CACNG2: variants seen among roughly 807,000 people sequenced by gnomAD.
CACNG2 encodes the protein voltage-dependent calcium channel gamma-2 subunit.
CACNG2 carries 3 observed loss-of-function variants against 25.9 expected under a neutral mutation model. The observed-to-expected ratio is 0.12, with a 90% CI of 0.05 to 0.30. The LOEUF is 0.30. Among genes scored for constraint, CACNG2 ranks in the 10% least tolerant of loss-of-function variants. The pLI, the probability that CACNG2 is intolerant of heterozygous loss-of-function variation, is 1.00. For missense variants in CACNG2, 341 were observed against 432.5 expected, an observed-to-expected ratio of 0.79 and a Z score of 1.88; for synonymous variants, 167 against 173.3, an observed-to-expected ratio of 0.96 and a Z score of 0.29.
At chr22:36,665,264 G>A (rs1004749427) in intron 1 of CACNG2, among the ~76,000 whole-genome samples, 5 of 152,162 alleles carry the variant, frequency 3.3e-5, no homozygotes, top group Non-Finnish European at 7.4e-5. Context: ...GCCTGGGTTC[G>A]AAGCCTGCTC....
intron 2 of CACNG2, chr22:36,584,831 C>G (rs1433825100): frequency 1.3e-5 from 2 of 152,292 alleles, no homozygotes; most frequent in Non-Finnish European, 2.9e-5. Context: ...CTTCTGCCCC[C>G]TCACAGCCTC....
chr22:36,664,155 A>G (rs1025076543), intron 1 of CACNG2, among the ~76,000 whole-genome samples: 18 of 84,942 alleles, frequency 2.1e-4, no homozygotes, highest in Admixed American at 2.9e-4. Flanking sequence ...CAGGAATTGC[A>G]AGGTACATAT....
At chr22:36,657,523 C>T (rs1175570343) in intron 1 of CACNG2, among the ~76,000 whole-genome samples, 2 of 151,986 alleles carry the variant, frequency 1.3e-5, no homozygotes, top group Non-Finnish European at 2.9e-5. Context: ...CTGGAGGACA[C>T]GGGGGCCGGA....
chr22:36,589,223 C>T (rs1434041871), intron 1 of CACNG2, among the ~76,000 whole-genome samples: 1 of 152,156 alleles, frequency 6.6e-6, no homozygotes, highest in East Asian at 1.9e-4. Flanking sequence ...CTCCTGACTT[C>T]AAGTGATCTG....
intron 1 of CACNG2, among the ~76,000 whole-genome samples, chr22:36,680,511 C>G (rs2146002131): frequency 6.7e-6 from 1 of 149,876 alleles, no homozygotes; most frequent in South Asian, 2.1e-4. Context: ...TCAATCATCA[C>G]CACCTTCATG....
intron 1 of CACNG2, among the ~76,000 whole-genome samples, chr22:36,643,236 TTG>T (rs1328468285): frequency 6.6e-6 from 1 of 150,510 alleles, no homozygotes; most frequent in African/African-American, 2.4e-5. Context: ...CCTTCCCTTT[TTG>T]TCTTTCTCTT....
chr22:36,699,466 T>A (rs1937384030), intron 1 of CACNG2, among the ~76,000 whole-genome samples: 1 of 151,066 alleles, frequency 6.6e-6, no homozygotes, highest in Non-Finnish European at 1.5e-5. Context: ...CATCAAGAGG[T>A]GAATGAAAAT....
chr22:36,605,757 A>T (rs1188322868), intron 1 of CACNG2, among the ~76,000 whole-genome samples: 1 of 152,188 alleles, frequency 6.6e-6, no homozygotes, highest in Non-Finnish European at 1.5e-5. Context: ...GCACAGATAG[A>T]TCACACAGTC....
intron 1 of CACNG2, among the ~76,000 whole-genome samples, chr22:36,700,638 G>C (rs1601463520): frequency 6.6e-6 from 1 of 152,300 alleles, no homozygotes; most frequent in East Asian, 1.9e-4. Context: ...TTAAATGGAA[G>C]TCTTTCCACT....
intron 1 of CACNG2, among the ~76,000 whole-genome samples, chr22:36,671,716 T>G (rs1936953242): frequency 6.6e-6 from 1 of 152,180 alleles, no homozygotes; most frequent in Admixed American, 6.5e-5. Context: ...GAGGCATCTG[T>G]GTTCTAAGTT....
chr22:36,571,848 G>A lies in CACNG2; in HGVS notation c.296-5355C>T, dbSNP rs1484651240. 2.7e-5 allele frequency among the ~76,000 whole-genome samples: 4 copies of A among 148,828 alleles called. No individual in the cohort carries two copies. The East Asian group carries it at 7.8e-4, about 29-fold the overall frequency. On this transcript the variant is annotated intron_variant, in intron 2 of 3. Coordinates refer to ENST00000300105, the MANE Select transcript of CACNG2 (RefSeq NM_006078.5). The stretch of plus-strand genomic sequence containing the variant: ...GCCAGGATCTCACCACTGCACTCCA[G>A]CCTGGGCGTCACAGCAAGATTCTGT...
chr22:36,680,685 CCACCACCA>C (rs1937106717), intron 1 of CACNG2, among the ~76,000 whole-genome samples: 1 of 1,030 alleles, frequency 9.7e-4, no homozygotes, highest in African/African-American at 4.9e-3. Context: ...ATCACTGCCA[CCACCACCA>C]CCATCACCAC....
intron 1 of CACNG2, among the ~76,000 whole-genome samples, chr22:36,588,638 G>T (rs1020011207): frequency 1.3e-5 from 2 of 152,212 alleles, no homozygotes; most frequent in Non-Finnish European, 2.9e-5. Flanking sequence ...CAGACTGCCT[G>T]GGTCCAGCTG....
intron 1 of CACNG2, among the ~76,000 whole-genome samples, chr22:36,598,082 C>T (rs1033504996): frequency 6.6e-6 from 1 of 152,222 alleles, no homozygotes; most frequent in African/African-American, 2.4e-5. Context: ...GTTCACTTCA[C>T]TGCAGTGTGT....
intron 1 of CACNG2, among the ~76,000 whole-genome samples, chr22:36,597,339 A>T (rs1479403707): frequency 1.3e-5 from 2 of 151,872 alleles, no homozygotes; most frequent in Non-Finnish European, 2.9e-5. Flanking sequence ...AGTTCTTCAC[A>T]TGTGATTTGG....
chr22:36,594,765 G>A lies in CACNG2; in HGVS notation c.212-7217C>T, dbSNP rs369490375. Among the ~76,000 whole-genome samples, 1,371 of 150,762 alleles carry A rather than the reference G, an allele frequency of 9.1e-3. 19 individuals carry two copies. Among genetic ancestry groups the A allele is most frequent in the African/African-American group, 0.031 (1,266 of 41,034 alleles). ...TGGGTGTGTGTGCGTATGTGTGTGC[G>A]TGCATGGGTGTGTGTGTCTGTGTGT... On this transcript the variant is annotated intron_variant, in intron 1 of 3. Transcript: ENST00000300105.
At chr22:36,579,254 A>G (rs910311121) in intron 2 of CACNG2, among the ~76,000 whole-genome samples, 1 of 152,064 alleles carries the variant, frequency 6.6e-6, no homozygotes, top group Non-Finnish European at 1.5e-5. Flanking sequence ...AATACAAAAA[A>G]TTAGCTGGGC....
At chr22:36,595,675 G>A (rs1261574067) in intron 1 of CACNG2, among the ~76,000 whole-genome samples, 5 of 152,186 alleles carry the variant, frequency 3.3e-5, no homozygotes, top group Admixed American at 6.5e-5. Context: ...TGTCCCCTCA[G>A]GCATTGGCTT....
Position 36,653,988 on chromosome 22 carries a change from G to C in CACNG2, c.211+48378C>G, listed in dbSNP as rs1354415243. Among the ~76,000 whole-genome samples, 591 of 145,250 alleles carry C rather than the reference G, an allele frequency of 4.1e-3. 6 individuals carry two copies. The highest frequency in any genetic ancestry group is 0.014 in the African/African-American group (567 of 39,410). On this transcript the variant is annotated intron_variant, in intron 1 of 3. Transcript: ENST00000300105. ...TGTGTGTGTGTGTGTGTCTCTGTGTGTGTGTGTGTGTGTGTGTGTGTGTGT... is the reference window on the plus strand; with the variant it reads ...TGTGTGTGTGTGTGTGTCTCTGTGTCTGTGTGTGTGTGTGTGTGTGTGTGT...
Sources: allele counts gnomAD v4.1 joint callset (sites outside exome capture counted in the v4.1 genomes callset), GRCh38; gene constraint gnomAD v4.1.1; transcripts MANE v1.5; gene names NCBI Gene and HGNC (gene_info 2026-07-23, HGNC 2026-07-21).